The following FARP1 variants were observed in gnomAD, a reference collection of about 807,000 sequenced individuals.
The protein encoded by FARP1 is FERM, ARH/RhoGEF and pleckstrin domain protein 1, also known as FERM, ARHGEF and pleckstrin domain-containing protein 1.
A neutral mutation model predicts 128.8 loss-of-function variants in FARP1; 52 were observed. That is an observed-to-expected ratio of 0.40 (90% CI 0.32 to 0.51). The LOEUF is 0.51. Ranked by LOEUF, FARP1 falls within the 20% of genes least tolerant of loss-of-function variation. The probability of loss-of-function intolerance (pLI) is 0.45; values close to 1 mark genes in which losing one functional copy is unlikely to be tolerated. For synonymous variants in FARP1, 580 were observed against 551.8 expected, an observed-to-expected ratio of 1.05 and a Z score of -0.72; for missense variants, 1,333 against 1,367.9, an observed-to-expected ratio of 0.97 and a Z score of 0.40.
intron 2 of FARP1, among the ~76,000 whole-genome samples, chr13:98,297,224 G>A (rs1885735885): frequency 6.6e-6 from 1 of 152,182 alleles, no homozygotes. Flanking sequence ...CTGATCAGCA[G>A]GAGCTACTTA....
At chr13:98,390,293 G>A (rs1462349265) in intron 10 of FARP1, among the ~76,000 whole-genome samples, 173 bp downstream of exon 10, 1 of 152,194 alleles carries the variant, frequency 6.6e-6, no homozygotes, top group Admixed American at 6.5e-5. Flanking sequence ...TTGAACAGCA[G>A]AGGCACCAGG....
chr13:98,389,936 C>G (rs754111282), intron 9 of FARP1, 21 bp from the exon 10 acceptor site: 15 of 1,611,890 alleles, frequency 9.3e-6, no homozygotes, highest in Non-Finnish European at 1.2e-5. Context: ...AAAAAACCAC[C>G]GTTGTATTTT....
At chr13:98,366,808 G>A (rs138976252) in intron 4 of FARP1, among the ~76,000 whole-genome samples, 3 of 152,224 alleles carry the variant, frequency 2.0e-5, no homozygotes, top group Non-Finnish European at 4.4e-5. Flanking sequence ...ACATGTAAGA[G>A]TTTGTTAATT....
chr13:98,145,413 C>G (rs1416453137), intron 1 of FARP1, among the ~76,000 whole-genome samples: 1 of 152,184 alleles, frequency 6.6e-6, no homozygotes, highest in Non-Finnish European at 1.5e-5. Flanking sequence ...TTCCTTGCTT[C>G]ATAATAGAAT....
intron 8 of FARP1, among the ~76,000 whole-genome samples, chr13:98,386,326 C>G (rs1469161134): frequency 6.6e-6 from 1 of 151,608 alleles, no homozygotes; most frequent in Non-Finnish European, 1.5e-5. Context: ...CACATTCTTG[C>G]AATTTTGTAG....
Position 98,421,569 on chromosome 13 carries a change from A to T in FARP1, c.1827-3003A>T, listed in dbSNP as rs1891594276. Among the ~76,000 whole-genome samples, 4 of 152,246 alleles carry T rather than the reference A, an allele frequency of 2.6e-5. No individual in the cohort carries two copies. The South Asian group carries it at 8.3e-4, about 32-fold the overall frequency. ...CTGGAGCCAATTATTTAAGTTCCAG[A>T]TAACAAGGCCAGGCAATGTGGCTCA... On this transcript the variant is annotated intron_variant, in intron 16 of 26. Transcript: ENST00000319562.
chr13:98,225,379 A>T (rs1881696683), intron 2 of FARP1, among the ~76,000 whole-genome samples: 1 of 152,116 alleles, frequency 6.6e-6, no homozygotes, highest in Non-Finnish European at 1.5e-5. Context: ...GACTCGCACC[A>T]TTCCTCTGAT....
At chr13:98,157,717 G>A (rs1259763643) in intron 1 of FARP1, among the ~76,000 whole-genome samples, 1 of 152,218 alleles carries the variant, frequency 6.6e-6, no homozygotes, top group Non-Finnish European at 1.5e-5. Context: ...ATAATTGGCA[G>A]AGCAGAGATA....
chr13:98,196,259 C>T (rs973154587), intron 1 of FARP1, among the ~76,000 whole-genome samples: 12 of 152,068 alleles, frequency 7.9e-5, no homozygotes, highest in African/African-American at 2.9e-4. Context: ...CTTTAGAAAT[C>T]ATCATGTACA....
chr13:98,210,336 A>C (rs1880602713), intron 1 of FARP1, among the ~76,000 whole-genome samples: 1 of 151,128 alleles, frequency 6.6e-6, no homozygotes, highest in Non-Finnish European at 1.5e-5. Context: ...TTATACATTC[A>C]CCTCCTTTCA....
intron 1 of FARP1, among the ~76,000 whole-genome samples, chr13:98,174,447 C>T (rs1183648679): frequency 1.3e-5 from 2 of 152,066 alleles, no homozygotes; most frequent in Non-Finnish European, 2.9e-5. Flanking sequence ...CTTCGGAGTG[C>T]CTGAAAGTTT....
chr13:98,277,150 C>CACACACACACACACACACACACA (rs1566824337), intron 2 of FARP1, among the ~76,000 whole-genome samples: 58 of 11,730 alleles, frequency 4.9e-3, no homozygotes, highest in African/African-American at 7.1e-3. Context: ...ACACACACAC[C>CACACACACACACACACACACACA]CCATATGTAT....
intron 1 of FARP1, among the ~76,000 whole-genome samples, chr13:98,205,166 C>T (rs990452969): frequency 1.3e-5 from 2 of 152,160 alleles, no homozygotes; most frequent in Non-Finnish European, 2.9e-5. Flanking sequence ...CCAGCTATGA[C>T]TCAGGAAATG....
intron 2 of FARP1, among the ~76,000 whole-genome samples, chr13:98,319,457 A>G (rs1334162184): frequency 2.0e-5 from 3 of 152,158 alleles, no homozygotes; most frequent in Non-Finnish European, 4.4e-5. Flanking sequence ...CGTCTCTATT[A>G]AAAATACAAA....
chr13:98,207,716 A>G (rs1175573841), intron 1 of FARP1, among the ~76,000 whole-genome samples: 1 of 152,094 alleles, frequency 6.6e-6, no homozygotes, highest in Non-Finnish European at 1.5e-5. Context: ...CGAAAAGTGC[A>G]TGGAGGGGCT....
At chr13:98,433,307 A>G (rs1160025525) in intron 18 of FARP1, 1 of 152,216 alleles carries the variant, frequency 6.6e-6, no homozygotes, top group East Asian at 1.9e-4. Context: ...ACTCCTACAA[A>G]TTAGTTGTTA....
intron 2 of FARP1, among the ~76,000 whole-genome samples, chr13:98,323,351 G>A (rs1472932643): frequency 6.7e-6 from 1 of 150,242 alleles, no homozygotes; most frequent in African/African-American, 2.4e-5. Context: ...TTTAAAATAT[G>A]GTTCAAGTGG....
chr13:98,355,087 C>A (rs1888586376), intron 3 of FARP1, among the ~76,000 whole-genome samples: 1 of 152,180 alleles, frequency 6.6e-6, no homozygotes, highest in African/African-American at 2.4e-5. Flanking sequence ...ATGTCTCATG[C>A]CTGTAATCCT....
At chr13:98,298,451 G>A (rs1454446131) in intron 2 of FARP1, among the ~76,000 whole-genome samples, 2 of 152,152 alleles carry the variant, frequency 1.3e-5, no homozygotes, top group Non-Finnish European at 2.9e-5. Context: ...ACTCTTATGG[G>A]ACTGCACCCC....
Sources: gnomAD v4.1 joint callset for allele counts (sites outside exome capture counted in the v4.1 genomes callset) on GRCh38, gnomAD v4.1.1 for gene constraint, MANE v1.5 for transcripts, NCBI Gene and HGNC (gene_info 2026-07-23, HGNC 2026-07-21) for gene names.